Variants in GLUD1 observed in about 807,000 individuals in gnomAD.
The protein encoded by GLUD1 is glutamate dehydrogenase 1.
GLUD1 carries 22 observed loss-of-function variants against 56.0 expected under a neutral mutation model. The ratio of observed to expected loss-of-function variants is 0.39; its 90% confidence interval spans 0.28 to 0.56. GLUD1 has a LOEUF of 0.56. GLUD1 is among the 20% of genes least tolerant of loss of function. GLUD1 has a pLI of 0.58. For missense variants in GLUD1, 451 were observed against 732.0 expected, an observed-to-expected ratio of 0.62 and a Z score of 4.43; for synonymous variants, 223 against 269.9, an observed-to-expected ratio of 0.83 and a Z score of 1.70.
chr10:87,051,685 A>G lies in GLUD1; in HGVS notation c.*66T>C. The G allele has an allele frequency of 6.4e-7, 1 of 1,560,436 alleles. No homozygotes were observed. Among genetic ancestry groups the G allele is most frequent in the Non-Finnish European group, 8.8e-7 (1 of 1,132,920 alleles). ...GAAAGGGATTTCTGTGGTTACATGTAAACTTGTGATAGGTCTGCAGAAGTT... is the reference window on the plus strand; with the variant it reads ...GAAAGGGATTTCTGTGGTTACATGTGAACTTGTGATAGGTCTGCAGAAGTT... On this transcript the variant is annotated 3_prime_UTR_variant, in exon 13 of 13. Transcript: ENST00000277865.
At chr10:87,067,195 C>T (rs181824495) in intron 5 of GLUD1, among the ~76,000 whole-genome samples, 2 of 152,322 alleles carry the variant, frequency 1.3e-5, no homozygotes, top group East Asian at 1.9e-4. Context: ...AACACAAACA[C>T]TGGGGCTTGG....
At chr10:87,060,548 A>G in intron 8 of GLUD1, 140 bp downstream of exon 8, 1 of 1,078,310 alleles carries the variant, frequency 9.3e-7, no homozygotes, top group Non-Finnish European at 1.4e-6. Flanking sequence ...TGTACCTTAA[A>G]TGGGGGAACT....
At chr10:87,069,784 T>TC (rs1846180852) in intron 4 of GLUD1, among the ~76,000 whole-genome samples, 1 of 152,108 alleles carries the variant, frequency 6.6e-6, no homozygotes, top group South Asian at 2.1e-4. Context: ...CCTCTCCACC[T>TC]CCCACCTAAT....
intron 10 of GLUD1, among the ~76,000 whole-genome samples, chr10:87,058,332 G>A (rs761342840): frequency 1.3e-5 from 2 of 152,072 alleles, no homozygotes; most frequent in South Asian, 2.1e-4. Flanking sequence ...AAAAGAAAAC[G>A]CTGGGGGAAA....
Position 87,062,833 on chromosome 10 carries a change from A to G in GLUD1, c.744T>C (p.Asp248=). ...DTYASTIGHY[D]INAHACVTGK... Reference sequence around the variant, plus strand: ...CAGTAACACAGGCGTGTGCATTAATATCCTGTAAGAGGGGGTAATTGAAAG... The same window carrying G: ...CAGTAACACAGGCGTGTGCATTAATGTCCTGTAAGAGGGGGTAATTGAAAG... Residue 248 remains aspartate, a splice_region_variant and synonymous_variant, in exon 6 of 13, where the codon GAT becomes GAC. Coordinates refer to ENST00000277865, the MANE Select transcript of GLUD1 (RefSeq NM_005271.5). 1 of 1,613,786 alleles carries G rather than the reference A, an allele frequency of 6.2e-7. No homozygotes were observed. Among genetic ancestry groups the G allele is most frequent in the South Asian group, 1.1e-5 (1 of 91,052 alleles).
chr10:87,054,242 C>T (rs962243738), intron 11 of GLUD1, among the ~76,000 whole-genome samples: 1 of 152,138 alleles, frequency 6.6e-6, no homozygotes, highest in Non-Finnish European at 1.5e-5. Context: ...ATTCTGTTCT[C>T]ACAGACTTTA....
chr10:87,076,161 T>C, intron 2 of GLUD1, 138 bp from the exon 3 acceptor site: 1 of 732,938 alleles, frequency 1.4e-6, no homozygotes, highest in Non-Finnish European at 2.4e-6. Flanking sequence ...CCTACCATCA[T>C]TTTCTAAACT....
chr10:87,089,687 T>C, intron 1 of GLUD1: 1 of 982,242 alleles, frequency 1.0e-6, no homozygotes, highest in Non-Finnish European at 1.2e-6. Flanking sequence ...TAGTTTGTCT[T>C]CTTGTCCTTA....
chr10:87,090,413 G>A (rs541055102), intron 1 of GLUD1, among the ~76,000 whole-genome samples: 36 of 152,136 alleles, frequency 2.4e-4, no homozygotes, highest in Non-Finnish European at 4.3e-4. Context: ...GCAGCTGTTT[G>A]TCTTCCTGCA....
chr10:87,061,269 T>G (rs1452461916), intron 6 of GLUD1: 2 of 662,256 alleles, frequency 3.0e-6, no homozygotes, highest in Non-Finnish European at 5.5e-6. Context: ...CGCTTGTAAT[T>G]CCAGCACTTT....
At chr10:87,059,120 G>C in intron 10 of GLUD1, 30 bp downstream of exon 10, 1 of 1,611,750 alleles carries the variant, frequency 6.2e-7, no homozygotes, top group Non-Finnish European at 8.5e-7. Context: ...CAAAAGATGA[G>C]TTTTGGCGAA....
At chr10:87,080,136 C>A (rs1318203335) in intron 1 of GLUD1, among the ~76,000 whole-genome samples, 68 of 151,934 alleles carry the variant, frequency 4.5e-4, no homozygotes, top group Non-Finnish European at 7.4e-5. Context: ...GACGGGATTT[C>A]GCTGTGTTGG....
intron 1 of GLUD1, among the ~76,000 whole-genome samples, chr10:87,090,082 TAGAAA>T (rs1348571517): frequency 2.0e-5 from 3 of 152,170 alleles, no homozygotes; most frequent in Admixed American, 6.5e-5. Flanking sequence ...GTAAAATAAA[TAGAAA>T]AGAAGAACAG....
intron 1 of GLUD1, 23 bp from the exon 2 acceptor site, chr10:87,076,679 G>A: frequency 7.3e-7 from 1 of 1,378,634 alleles, no homozygotes; most frequent in Non-Finnish European, 1.0e-6. Context: ...TTAAAAAAAT[G>A]TGTTGGGGTG....
chr10:87,081,967 A>T (rs1841270328), intron 1 of GLUD1, among the ~76,000 whole-genome samples: 2 of 151,810 alleles, frequency 1.3e-5, no homozygotes, highest in South Asian at 4.1e-4. Flanking sequence ...AAAAAAAGAA[A>T]AAAAAAAGAA....
chr10:87,081,119 C>T (rs1427651537), intron 1 of GLUD1, among the ~76,000 whole-genome samples: 2 of 143,818 alleles, frequency 1.4e-5, no homozygotes, highest in Non-Finnish European at 1.5e-5. Context: ...GGTGAGGGGG[C>T]GCCTCTGCCC....
At chr10:87,091,602 C>T (rs1212707740) in intron 1 of GLUD1, 3 of 969,970 alleles carry the variant, frequency 3.1e-6, no homozygotes, top group Admixed American at 6.2e-5. Flanking sequence ...ACAAATCTAA[C>T]GGCCTCAGGT....
chr10:87,054,208 GA>G (rs1394388827), intron 11 of GLUD1, among the ~76,000 whole-genome samples: 1 of 152,146 alleles, frequency 6.6e-6, no homozygotes, highest in African/African-American at 2.4e-5. Context: ...GGTACTAGGG[GA>G]CATAGTAGAG....
chr10:87,090,099 C>A (rs1201496606), intron 1 of GLUD1, among the ~76,000 whole-genome samples: 2 of 152,168 alleles, frequency 1.3e-5, no homozygotes, highest in Admixed American at 1.3e-4. Flanking sequence ...GAAGAACAGT[C>A]ACGTGGCAGA....
Sources: gnomAD v4.1 joint callset for allele counts (sites outside exome capture counted in the v4.1 genomes callset) on GRCh38, gnomAD v4.1.1 for gene constraint, MANE v1.5 for transcripts, NCBI Gene and HGNC (gene_info 2026-07-23, HGNC 2026-07-21) for gene names.